Variants in BRD10 observed in about 807,000 individuals in gnomAD.
BRD10 encodes bromodomain containing 10.
At chr9:5,971,507 A>G in the BRD10 span, among the ~76,000 whole-genome samples, 1 of 152,214 alleles carries the variant, frequency 6.6e-6, no homozygotes, top group African/African-American at 2.4e-5. Context: ...TCAGATTGCA[A>G]TCCAGTAAGA....
At chr9:5,895,602 G>A in the BRD10 span, among the ~76,000 whole-genome samples, 2 of 152,170 alleles carry the variant, frequency 1.3e-5, no homozygotes, top group South Asian at 4.1e-4. Context: ...AAACCTCAGT[G>A]GAGAGCAGTT....
the BRD10 span, among the ~76,000 whole-genome samples, chr9:5,926,090 G>T: frequency 1.3e-5 from 2 of 151,964 alleles, no homozygotes; most frequent in African/African-American, 4.8e-5. Flanking sequence ...GCTAATTTCT[G>T]TATTTTTAGT....
chr9:5,914,422 T>C, the BRD10 span, among the ~76,000 whole-genome samples: 1 of 115,142 alleles, frequency 8.7e-6, no homozygotes, highest in African/African-American at 3.5e-5. Context: ...TTTTTTTTTT[T>C]TTTTTTTTTT....
the BRD10 span, chr9:5,922,882 T>C: frequency 2.5e-6 from 4 of 1,613,986 alleles, no homozygotes; most frequent in Non-Finnish European, 3.4e-6. Flanking sequence ...GAGATAAAAC[T>C]GGTTTTTCCA....
At chr9:5,967,484 G>C in the BRD10 span, among the ~76,000 whole-genome samples, 1 of 152,062 alleles carries the variant, frequency 6.6e-6, no homozygotes, top group South Asian at 2.1e-4. Context: ...ATTAATTGAT[G>C]TAATTTTCTT....
chr9:5,975,406 T>A, the BRD10 span, among the ~76,000 whole-genome samples: 139 of 115,110 alleles, frequency 1.2e-3, no homozygotes, highest in African/African-American at 4.7e-3. Context: ...ACCACTGCAC[T>A]CCAGCATGGG....
At chr9:5,887,174 G>A in the BRD10 span, among the ~76,000 whole-genome samples, 4 of 152,064 alleles carry the variant, frequency 2.6e-5, no homozygotes, top group East Asian at 1.9e-4. Context: ...CAGGAGAATC[G>A]CTTGAACCCA....
chr9:5,984,459 C>T, the BRD10 span, among the ~76,000 whole-genome samples: 33 of 152,032 alleles, frequency 2.2e-4, no homozygotes, highest in African/African-American at 7.7e-4. Flanking sequence ...CGAGGCAGAG[C>T]ATTATAATAG....
chr9:5,991,220 C>A, the BRD10 span, among the ~76,000 whole-genome samples: 1 of 151,878 alleles, frequency 6.6e-6, no homozygotes, highest in Non-Finnish European at 1.5e-5. Flanking sequence ...TACAGACACA[C>A]TACTAGATGC....
the BRD10 span, among the ~76,000 whole-genome samples, chr9:5,886,730 A>G: frequency 6.6e-6 from 1 of 152,248 alleles, no homozygotes; most frequent in South Asian, 2.1e-4. Flanking sequence ...GGCCGGCTCA[A>G]AAACAGAGAC....
chr9:5,924,638 A>C, the BRD10 span: 64 of 1,440,828 alleles, frequency 4.4e-5, no homozygotes, highest in Non-Finnish European at 5.5e-5. Context: ...GTTGACTTAA[A>C]AAAAAAGTTT....
At chr9:5,968,088 A>C in the BRD10 span, 1 of 1,563,992 alleles carries the variant, frequency 6.4e-7, no homozygotes. Flanking sequence ...TCAGGTTTGT[A>C]AGACTTGAAT....
At chr9:5,984,086 A>T in the BRD10 span, among the ~76,000 whole-genome samples, 24 of 152,022 alleles carry the variant, frequency 1.6e-4, no homozygotes, top group Non-Finnish European at 5.9e-5. Context: ...TTGTTGGCAG[A>T]CCTATATTAC....
At chr9:5,893,268 A>G in the BRD10 span, among the ~76,000 whole-genome samples, 1 of 152,256 alleles carries the variant, frequency 6.6e-6, no homozygotes, top group Non-Finnish European at 1.5e-5. Flanking sequence ...TGGGAGTGGG[A>G]AAGGGACATA....
chr9:5,885,422 G>T, the BRD10 span, among the ~76,000 whole-genome samples: 4 of 151,036 alleles, frequency 2.6e-5, no homozygotes, highest in Non-Finnish European at 5.9e-5. Flanking sequence ...CCAGGCTGCA[G>T]TGCAATGGCT....
chr9:5,895,383 CTTTTT>C, the BRD10 span, among the ~76,000 whole-genome samples: 2 of 143,766 alleles, frequency 1.4e-5, no homozygotes, highest in African/African-American at 5.1e-5. Context: ...GGGCCATCTT[CTTTTT>C]TTTTTTTTAA....
chr9:5,977,678 A>G, the BRD10 span, among the ~76,000 whole-genome samples: 2 of 152,144 alleles, frequency 1.3e-5, no homozygotes, highest in Non-Finnish European at 2.9e-5. Flanking sequence ...TACTAAAAAT[A>G]CAAAAAATTA....
At chr9:5,908,918 A>G in the BRD10 span, 3 of 550,086 alleles carry the variant, frequency 5.5e-6, no homozygotes, top group East Asian at 9.1e-5. Context: ...GGAAAACTCC[A>G]TCAATAAATG....
At chr9:6,006,166 C>T in the BRD10 span, among the ~76,000 whole-genome samples, 3 of 152,188 alleles carry the variant, frequency 2.0e-5, no homozygotes, top group Non-Finnish European at 4.4e-5. Context: ...AAATGGCTAA[C>T]ACTTATACTT....
Sources: gnomAD v4.1 joint callset for allele counts (sites outside exome capture counted in the v4.1 genomes callset) on GRCh38, gnomAD v4.1.1 for gene constraint, MANE v1.5 for transcripts, NCBI Gene and HGNC (gene_info 2026-07-23, HGNC 2026-07-21) for gene names.